Variants in HTRA2 observed in about 807,000 individuals in gnomAD.
The protein encoded by HTRA2 is serine protease HTRA2, mitochondrial.
HTRA2 carries 24 observed loss-of-function variants against 42.2 expected under a neutral mutation model. The ratio of observed to expected loss-of-function variants is 0.57; its 90% CI spans 0.41 to 0.80. The LOEUF is 0.80. Ranked by LOEUF, HTRA2 falls within the 30% of genes least tolerant of loss-of-function variation. HTRA2 has a pLI of 0.00. For synonymous variants in HTRA2, 245 were observed against 255.8 expected, an observed-to-expected ratio of 0.96 and a Z score of 0.40; for missense variants, 466 against 613.5, an observed-to-expected ratio of 0.76 and a Z score of 2.54.
Position 74,531,385 on chromosome 2 carries a change from C to T in HTRA2, c.939+14C>T, listed in dbSNP as rs1390304776. On this transcript the variant is annotated intron_variant, in intron 4 of 7. Coordinates refer to ENST00000258080, the MANE Select transcript of HTRA2 (RefSeq NM_013247.5). ...CTGGTTAACCTGGTGAGTGAGACAT[C>T]CTTCCTTCCAAGAATCCCTGCCCCA... The T allele has an allele frequency of 2.5e-6, 4 of 1,613,866 alleles. No individual in the cohort carries two copies. Among genetic ancestry groups the T allele is most frequent in the Non-Finnish European group, 3.4e-6 (4 of 1,179,742 alleles).
rs757842642 is a variant in HTRA2 at position 74,530,854 on chromosome 2, G to T, written c.711+33G>T. 1 of 1,614,138 alleles carries T rather than the reference G, an allele frequency of 6.2e-7. No individual in the cohort carries two copies. ...CTGGGGTAGGCCAGGTCTGGTTGGA[G>T]CTGCTTATTTGCTCGCATCTTCAGA... On this transcript the variant is annotated intron_variant, in intron 2 of 7. Coordinates refer to ENST00000258080, the MANE Select transcript of HTRA2 (RefSeq NM_013247.5). This position sits in a 1 kb window ranked among gnomAD's most constrained non-coding sequence, Gnocchi z 7.4.
rs1427573383 is a variant in HTRA2 at position 74,533,310 on chromosome 2, G to C, written c.*325G>C. 1.9e-6 allele frequency: 1 copy of C among 530,868 alleles called. No individual in the cohort carries two copies. The highest frequency in any genetic ancestry group is 3.3e-6 in the Non-Finnish European group (1 of 298,664). The allele number at this position is 530,868 out of a possible 1,614,324, so 32.9% of individuals were successfully genotyped here. Reference sequence around the variant, plus strand: ...CCTGACCTCCTATTAAAGAAAATGAGCTGCTGCCATCTTTTGTGGGCAGTT... The same window carrying C: ...CCTGACCTCCTATTAAAGAAAATGACCTGCTGCCATCTTTTGTGGGCAGTT... On this transcript the variant is annotated 3_prime_UTR_variant, in exon 8 of 8. Transcript: ENST00000258080.
Position 74,532,615 on chromosome 2 carries a change from T to C in HTRA2, c.1116-4T>C. 1.2e-6 allele frequency: 2 copies of C among 1,613,022 alleles called. No individual in the cohort carries two copies. The highest frequency in any genetic ancestry group is 1.7e-6 in the Non-Finnish European group (2 of 1,179,714). On this transcript the variant is annotated splice_polypyrimidine_tract_variant and splice_region_variant and intron_variant, in intron 6 of 7. Transcript: ENST00000258080. Reference sequence around the variant, plus strand: ...GGCTAATAGGGTGATCTGTGTACTTTCAGCATCCTTGCTGAACTACAGCTT... The same window carrying C: ...GGCTAATAGGGTGATCTGTGTACTTCCAGCATCCTTGCTGAACTACAGCTT...
In HTRA2 at chr2:74,530,334, G is replaced by A. The variant is rs1456139747; in HGVS notation, c.328G>A (p.Ala110Thr). 6.3e-7 allele frequency: 1 copy of A among 1,592,076 alleles called. No individual in the cohort carries two copies. The highest frequency in any genetic ancestry group is 1.7e-5 in the Admixed American group (1 of 57,912). ...CCGTTCGCGCGCGTGGCTGGCGGTG[G>A]CGCTGGGCGCTGGGGGGGCAGTGCT... is the stretch of plus-strand genomic sequence containing the variant. ...GTRSRAWLAV[A>T]LGAGGAVLLL... The change falls in exon 1 of 8, where the codon GCG becomes ACG. Residue 110 changes from alanine (A) to threonine (T), a missense_variant. This residue lies in a region of HTRA2 where 222 missense variants were observed against 205.1 expected (regional missense o/e 1.08). Coordinates refer to ENST00000258080, the MANE Select transcript of HTRA2 (RefSeq NM_013247.5). This position sits in a 1 kb window ranked among gnomAD's most constrained non-coding sequence, Gnocchi z 7.4.
Position 74,530,193 on chromosome 2 carries a change from G to A in HTRA2, c.187G>A (p.Val63Ile), listed in dbSNP as rs756256747. 17 of 1,611,284 alleles carry A rather than the reference G, an allele frequency of 1.1e-5. No individual in the cohort carries two copies. Among genetic ancestry groups the A allele is most frequent in the Non-Finnish European group, 1.4e-5 (16 of 1,179,086 alleles). ...CCCCAGTCTCTGGGCCCGGTTGTCT[G>A]TTGGGGTCACTGAACCCCGAGCATG... ...GTPSLWARLS[V>I]GVTEPRACLT... Residue 63 changes from valine to isoleucine, a missense_variant, in exon 1 of 8, where the codon GTT becomes ATT. Val to Ile is a conservative substitution (Grantham distance 29). This residue lies in a region of HTRA2 where 222 missense variants were observed against 205.1 expected (regional missense o/e 1.08). Coordinates refer to ENST00000258080, the MANE Select transcript of HTRA2 (RefSeq NM_013247.5). The surrounding 1 kb of genome is among the most constrained non-coding windows in gnomAD (Gnocchi z 7.4).
In HTRA2 at chr2:74,532,355, A is replaced by G. The variant is rs71640293; in HGVS notation, c.1116-264A>G. On this transcript the variant is annotated intron_variant, in intron 6 of 7. Transcript: ENST00000258080. Reference sequence around the variant, plus strand: ...CTCAACTTAAGTTCTTTCCCCTTAAAGCTTCTCTTAGTATTCTAGAATGAC... The same window carrying G: ...CTCAACTTAAGTTCTTTCCCCTTAAGGCTTCTCTTAGTATTCTAGAATGAC... 4.9e-4 allele frequency: 248 copies of G among 507,668 alleles called. No individual in the cohort carries two copies. Among genetic ancestry groups the G allele is most frequent in the Non-Finnish European group, 8.0e-4 (223 of 279,196 alleles). 31.4% of individuals were successfully genotyped at this position (507,668 alleles called of 1,614,324 possible). A position where few individuals can be genotyped will look rare whatever the true frequency, so the allele number is the denominator to read the frequency against.
chr2:74,529,658 C>T, upstream of HTRA2: 1 of 1,544,672 alleles, frequency 6.5e-7, no homozygotes, highest in South Asian at 1.2e-5. Context: ...GCCCGGCCGT[C>T]GCCGCCGCCG....
In HTRA2 at chr2:74,530,347, G is replaced by A. The variant is rs753799539; in HGVS notation, c.341G>A (p.Gly114Glu). 3 of 1,592,378 alleles carry A rather than the reference G, an allele frequency of 1.9e-6. No homozygotes were observed. ...RAWLAVALGAGGAVLLLLWGG... is the reference protein window; with the variant it reads ...RAWLAVALGAEGAVLLLLWGG... ...TGGCTGGCGGTGGCGCTGGGCGCTG[G>A]GGGGGCAGTGCTGTTGTTGTTGTGG... Residue 114 changes from glycine (G) to glutamate (E), a missense_variant, in exon 1 of 8, where the codon GGG (glycine) becomes GAG (glutamate). This residue lies in a region of HTRA2 where 222 missense variants were observed against 205.1 expected (regional missense o/e 1.08). Coordinates refer to ENST00000258080, the MANE Select transcript of HTRA2 (RefSeq NM_013247.5). This position sits in a 1 kb window ranked among gnomAD's most constrained non-coding sequence, Gnocchi z 7.4.
chr2:74,529,662 G>C (rs1416953255), upstream of HTRA2: 1 of 1,544,634 alleles, frequency 6.5e-7, no homozygotes, highest in African/African-American at 1.4e-5. Flanking sequence ...GGCCGTCGCC[G>C]CCGCCGCCAT....
chr2:74,530,408 C>G lies in HTRA2; in HGVS notation c.402C>G (p.Ala134=), dbSNP rs949385168. ...GGGGTCCTCCGGCCGTCCTCGCCGC[C>G]GTCCCTAGCCCGCCGCCCGCTTCTC... ...GGRGPPAVLA[A]VPSPPPASPR... is the part of the protein sequence containing the mutation. The change falls in exon 1 of 8, where the codon GCC becomes GCG. Residue 134 remains alanine (A), a synonymous_variant. Coordinates refer to ENST00000258080, the MANE Select transcript of HTRA2 (RefSeq NM_013247.5). The surrounding 1 kb of genome is among the most constrained non-coding windows in gnomAD (Gnocchi z 7.4). 45 of 1,597,998 alleles carry G rather than the reference C, an allele frequency of 2.8e-5. No individual in the cohort carries two copies. The highest frequency in any genetic ancestry group is 3.6e-5 in the Non-Finnish European group (42 of 1,175,698).
rs1675549371 is a variant in HTRA2, at chr2:74,530,973, T to C, written c.774T>C (p.Val258=). 3 of 1,614,242 alleles carry C rather than the reference T, an allele frequency of 1.9e-6. No individual in the cohort carries two copies. Among genetic ancestry groups the C allele is most frequent in the East Asian group, 4.5e-5 (2 of 44,884 alleles). Reference sequence around the variant, plus strand: ...ATGTCCGGCAAGGGGAGTTTGTTGTTGCCATGGGAAGTCCCTTTGCACTGC... The same window carrying C: ...ATGTCCGGCAAGGGGAGTTTGTTGTCGCCATGGGAAGTCCCTTTGCACTGC... ...SADVRQGEFV[V]AMGSPFALQN... is the part of the protein sequence containing the mutation. The change falls in exon 3 of 8, where the codon GTT becomes GTC. Residue 258 remains valine, a synonymous_variant. Transcript: ENST00000258080. This position sits in a 1 kb window ranked among gnomAD's most constrained non-coding sequence, Gnocchi z 7.4.
At chr2:74,533,429 A>G (rs2104384613), downstream of HTRA2, 1 of 607,008 alleles carries the variant, frequency 1.6e-6, no homozygotes, top group East Asian at 2.8e-5. Context: ...GGCTACAGAT[A>G]CTGACAGCTG....
chr2:74,531,249 G>A (rs943659158), intron 3 of HTRA2, 90 bp from the exon 4 acceptor site: 1 of 1,566,002 alleles, frequency 6.4e-7, no homozygotes, highest in Admixed American at 1.7e-5. Flanking sequence ...GGCTGAGAAA[G>A]AAGAGAATTT....
intron 6 of HTRA2, chr2:74,532,304 G>A (rs2104378135): frequency 2.1e-6 from 1 of 477,626 alleles, no homozygotes; most frequent in South Asian, 2.1e-5. Context: ...GTTTTATATG[G>A]TTAATATCAG....
In HTRA2 at chr2:74,530,650, G is replaced by C. The variant is rs1333150587; in HGVS notation, c.540G>C (p.Ser180=). 6.2e-7 allele frequency: 1 copy of C among 1,614,016 alleles called. No homozygotes were observed. Among genetic ancestry groups the C allele is most frequent in the African/African-American group, 1.3e-5 (1 of 74,902 alleles). ...TCTTGGGCCGCGAGGTCCCTATCTC[G>C]AACGGCTCAGGATTCGTGGTGGCTG... ...HPFLGREVPI[S]NGSGFVVAAD... The change falls in exon 2 of 8, where the codon TCG becomes TCC. Residue 180 remains serine, a synonymous_variant. Transcript: ENST00000258080. The surrounding 1 kb of genome is among the most constrained non-coding windows in gnomAD (Gnocchi z 7.4).
chr2:74,530,821 G>A lies in HTRA2; in HGVS notation c.711G>A (p.Lys237=), dbSNP rs773298397. The A allele has an allele frequency of 6.2e-7, 1 of 1,614,198 alleles. No individual in the cohort carries two copies. The highest frequency in any genetic ancestry group is 1.1e-5 in the South Asian group (1 of 91,086). The change falls in exon 2 of 8, where the codon AAG becomes AAA. Residue 237 remains lysine (K), a splice_region_variant and synonymous_variant. Coordinates refer to ENST00000258080, the MANE Select transcript of HTRA2 (RefSeq NM_013247.5). This position sits in a 1 kb window ranked among gnomAD's most constrained non-coding sequence, Gnocchi z 7.4. ...ADIATLRIQT[K]EPLPTLPLGR... ...TCGCAACGCTGAGGATTCAGACTAA[G>A]GTGGGGGCTGGGGTAGGCCAGGTCT...
intron 3 of HTRA2, 29 bp from the exon 4 acceptor site, chr2:74,531,308 ATC>A (rs1558612100): frequency 1.2e-6 from 2 of 1,612,462 alleles, no homozygotes; most frequent in Non-Finnish European, 1.7e-6. Context: ...GAATCCCCAG[ATC>A]TCTTTCATGT....
chr2:74,533,509 G>T, downstream of HTRA2: 1 of 1,080,750 alleles, frequency 9.3e-7, no homozygotes, highest in Non-Finnish European at 1.4e-6. Context: ...GATGAGTGCG[G>T]TTGCTGACAT....
At position 74,530,440 on chromosome 2, in the gene HTRA2, G is replaced by A. The variant is rs369700396; in HGVS notation, c.434G>A (p.Ser145Asn). ...AGCCCGCCGCCCGCTTCTCCCCGGA[G>A]TCAGTACAACTTCATCGCAGATGTG... Reference protein sequence around the residue: ...VPSPPPASPRSQYNFIADVVE... With the variant: ...VPSPPPASPRNQYNFIADVVE... Residue 145 changes from serine (S) to asparagine (N), a missense_variant, in exon 1 of 8, where the codon AGT (serine) becomes AAT (asparagine). By Grantham distance (46) the Ser-to-Asn change is conservative. Around this residue, in one of 3 missense-constraint regions of HTRA2, gnomAD observed 222 missense variants for 205.1 expected, o/e 1.08. Coordinates refer to ENST00000258080, the MANE Select transcript of HTRA2 (RefSeq NM_013247.5). This position sits in a 1 kb window ranked among gnomAD's most constrained non-coding sequence, Gnocchi z 7.4. The A allele has an allele frequency of 7.3e-5, 118 of 1,605,518 alleles. No homozygotes were observed. The highest frequency in any genetic ancestry group is 9.0e-5 in the Non-Finnish European group (106 of 1,179,746).
Sources: allele counts gnomAD v4.1 joint callset, GRCh38; gene constraint gnomAD v4.1.1; regional missense constraint gnomAD v4.1.1; non-coding constraint Gnocchi (gnomAD v3.1); transcripts MANE v1.5; gene names NCBI Gene and HGNC (gene_info 2026-07-23, HGNC 2026-07-21).